Variants in GCKR observed in about 807,000 individuals in gnomAD.
GCKR encodes glucokinase regulatory protein.
GCKR carries 73 observed loss-of-function variants against 82.9 expected under a neutral mutation model. The ratio of observed to expected loss-of-function variants is 0.88; its 90% CI spans 0.73 to 1.07. The LOEUF is 1.07. GCKR is among the 50% of genes least tolerant of loss of function. GCKR has a pLI of 0.00. For missense variants in GCKR, 784 were observed against 782.1 expected (o/e 1.00, Z -0.03); for synonymous variants, 294 against 291.8 (o/e 1.01, Z -0.08).
At chr2:27,519,033 G>C in intron 17 of GCKR, 96 bp downstream of exon 17, 4 of 1,128,962 alleles carry the variant, frequency 3.5e-6, no homozygotes, top group Non-Finnish European at 4.0e-6. Flanking sequence ...ATGTGCAAGG[G>C]TACAGGCTGC....
At chr2:27,499,902 C>T (rs1489055925) in intron 7 of GCKR, among the ~76,000 whole-genome samples, 1 of 151,440 alleles carries the variant, frequency 6.6e-6, no homozygotes, top group African/African-American at 2.4e-5. Context: ...GGATCACAAG[C>T]GCCCACCACA....
chr2:27,503,670 T>G, intron 9 of GCKR, 51 bp downstream of exon 9: 1 of 910,316 alleles, frequency 1.1e-6, no homozygotes, highest in African/African-American at 1.6e-5. Context: ...ACCTGGGAAC[T>G]GCTTGCCACT....
intron 16 of GCKR, among the ~76,000 whole-genome samples, chr2:27,516,112 T>C (rs1038246635): frequency 3.3e-5 from 5 of 151,236 alleles, no homozygotes; most frequent in Non-Finnish European, 7.4e-5. Flanking sequence ...TTTTCCTGAG[T>C]GATTTAGGAT....
At chr2:27,521,037 A>C (rs1427524879) in intron 17 of GCKR, among the ~76,000 whole-genome samples, 1 of 151,842 alleles carries the variant, frequency 6.6e-6, no homozygotes, top group Non-Finnish European at 1.5e-5. Flanking sequence ...GAGTGAGACT[A>C]TCTCTCAAAA....
At chr2:27,497,467 C>G in intron 2 of GCKR, 68 bp downstream of exon 2, 1 of 1,586,134 alleles carries the variant, frequency 6.3e-7, no homozygotes, top group East Asian at 2.2e-5. Context: ...TCTGCTCTCC[C>G]TCACCATGGC....
intron 16 of GCKR, 57 bp from the exon 17 acceptor site, chr2:27,518,731 C>T: frequency 7.0e-7 from 1 of 1,437,480 alleles, no homozygotes; most frequent in Non-Finnish European, 9.8e-7. Context: ...GCCCTGTTCA[C>T]TCTGCTGCTT....
At chr2:27,510,937 G>A (rs1669867214) in intron 16 of GCKR, among the ~76,000 whole-genome samples, 1 of 151,176 alleles carries the variant, frequency 6.6e-6, no homozygotes, top group Non-Finnish European at 1.5e-5. Context: ...CGTTTTTTAT[G>A]TAGAGACATT....
At chr2:27,516,512 C>G (rs1670014525) in intron 16 of GCKR, among the ~76,000 whole-genome samples, 1 of 130,248 alleles carries the variant, frequency 7.7e-6, no homozygotes, top group Non-Finnish European at 1.6e-5. Context: ...CCAGGCTGGT[C>G]TCAAACTCCT....
At chr2:27,516,898 A>G (rs1230619768) in intron 16 of GCKR, among the ~76,000 whole-genome samples, 1 of 152,208 alleles carries the variant, frequency 6.6e-6, no homozygotes, top group Admixed American at 6.5e-5. Flanking sequence ...AATGTTTTCA[A>G]TATACCCTCT....
rs376864764 is a variant in GCKR, at chr2:27,518,921, C to T, written c.1556C>T (p.Ala519Val). ...RISNSKLFWR[A>V]LAMLQRFSGQ... ...AGCAACTCCAAGCTCTTCTGGCGGG[C>T]GCTGGCCATGCTGCAGGTAGGGATA... The change falls in exon 17 of 19, where the codon GCG (alanine) becomes GTG (valine). Residue 519 changes from alanine to valine, a missense_variant. Physicochemically the swap from Ala to Val is moderately conservative, Grantham distance 64. Transcript: ENST00000264717. 1.8e-5 allele frequency: 26 copies of T among 1,433,268 alleles called. 1 individual carries two copies. The highest frequency in any genetic ancestry group is 2.0e-4 in the Middle Eastern group (1 of 4,892). 88.8% of individuals were successfully genotyped at this position (1,433,268 alleles called of 1,614,324 possible). A position where few individuals can be genotyped will look rare whatever the true frequency, so the allele number is the denominator to read the frequency against.
intron 16 of GCKR, among the ~76,000 whole-genome samples, chr2:27,516,497 G>C (rs1380285657): frequency 6.7e-6 from 1 of 150,206 alleles, no homozygotes; most frequent in East Asian, 1.9e-4. Context: ...GTTTCACCCT[G>C]TTGGCCAGGC....
chr2:27,504,035 G>T (rs2148582430), intron 9 of GCKR, among the ~76,000 whole-genome samples: 1 of 152,278 alleles, frequency 6.6e-6, no homozygotes, highest in Non-Finnish European at 1.5e-5. Flanking sequence ...CTCCAAAATT[G>T]GGTGGCCCTT....
chr2:27,521,334 ATT>A (rs535172762), intron 17 of GCKR, among the ~76,000 whole-genome samples: 5 of 141,930 alleles, frequency 3.5e-5, no homozygotes, highest in Non-Finnish European at 1.5e-5. Context: ...GTGAAATCAC[ATT>A]TTTTTTTTTT....
intron 2 of GCKR, 44 bp downstream of exon 2, chr2:27,497,443 A>T (rs1002143901): frequency 4.4e-6 from 7 of 1,608,352 alleles, no homozygotes; most frequent in Non-Finnish European, 6.0e-6. Flanking sequence ...AAACATGCCA[A>T]CCCCAACCCC....
intron 9 of GCKR, among the ~76,000 whole-genome samples, chr2:27,504,855 AGTGGC>A (rs1553341098): frequency 6.6e-6 from 1 of 151,584 alleles, no homozygotes; most frequent in Non-Finnish European, 1.5e-5. Flanking sequence ...GTCTGGGTGT[AGTGGC>A]TCACGCCTGT....
chr2:27,508,674 G>A (rs562193004), intron 16 of GCKR, among the ~76,000 whole-genome samples: 9 of 152,114 alleles, frequency 5.9e-5, no homozygotes, highest in Non-Finnish European at 1.0e-4. Context: ...CACCATGCCC[G>A]GCTACTGTTT....
chr2:27,501,352 G>A, intron 8 of GCKR, 123 bp downstream of exon 8: 1 of 746,180 alleles, frequency 1.3e-6, no homozygotes, highest in Non-Finnish European at 2.4e-6. Context: ...GAATATTAAA[G>A]TAAATATGGG....
chr2:27,503,664 G>T, intron 9 of GCKR, 45 bp downstream of exon 9: 1 of 986,756 alleles, frequency 1.0e-6, no homozygotes, highest in South Asian at 1.3e-5. Flanking sequence ...TCCAACACCT[G>T]GGAACTGCTT....
In GCKR at chr2:27,503,612, C is replaced by T; in HGVS notation, c.743C>T (p.Ala248Val). ...CAGAAAGCTTTTGTGCTCAATCCTG[C>T]CATCGGGGTAGGGCCTCTCCTTTTT... ...EKQKAFVLNP[A>V]IGPEGLSGSS... The change falls in exon 9 of 19, where the codon GCC (alanine) becomes GTC (valine). Residue 248 changes from alanine to valine, a missense_variant. Transcript: ENST00000264717. 6.4e-7 allele frequency: 1 copy of T among 1,571,874 alleles called. No homozygotes were observed. The highest frequency in any genetic ancestry group is 1.1e-5 in the South Asian group (1 of 90,242).
Sources: gnomAD v4.1 joint callset for allele counts (sites outside exome capture counted in the v4.1 genomes callset) on GRCh38, gnomAD v4.1.1 for gene constraint, MANE v1.5 for transcripts, NCBI Gene and HGNC (gene_info 2026-07-23, HGNC 2026-07-21) for gene names.